Variants in GARNL3 observed in about 807,000 individuals in gnomAD.
GARNL3 encodes GTPase-activating Rap/Ran-GAP domain-like protein 3.
GARNL3 carries 63 observed loss-of-function variants against 125.0 expected under a neutral mutation model. The observed-to-expected ratio is 0.50, with a 90% confidence interval of 0.41 to 0.62. The LOEUF (loss-of-function observed/expected upper bound fraction) is 0.62. Ranked by LOEUF, GARNL3 falls within the 20% of genes least tolerant of loss-of-function variation. GARNL3 has a pLI of 0.00. For synonymous variants in GARNL3, 439 were observed against 457.5 expected (o/e 0.96, Z 0.52); for missense variants, 994 against 1,244.0 (o/e 0.80, Z 3.02).
intron 23 of GARNL3, 92 bp downstream of exon 23, chr9:127,383,637 C>G (rs1832389502): frequency 9.3e-6 from 7 of 753,626 alleles, no homozygotes; most frequent in Middle Eastern, 2.4e-4. Context: ...CACTGGCTTA[C>G]TGCGAAATTG....
At position 127,355,393 on chromosome 9, in the gene GARNL3, A is replaced by G; in HGVS notation, c.1856A>G (p.Asn619Ser). The change falls in exon 20 of 28, where the codon AAC (asparagine) becomes AGC (serine). Residue 619 changes from asparagine (N) to serine (S), a missense_variant. Around this residue, in one of 5 missense-constraint regions of GARNL3, gnomAD observed 728 missense variants for 865.7 expected, o/e 0.84. Coordinates refer to ENST00000373387, the MANE Select transcript of GARNL3 (RefSeq NM_032293.5). ...NKLLLITRKH[N>S]KPSGVTSTSL... ...CTGCTTCTGATCACAAGAAAACACA[A>G]CAAGCCAAGCGGGGTCACCAGCACC... The G allele has an allele frequency of 1.9e-6, 3 of 1,614,230 alleles. No individual in the cohort carries two copies. The highest frequency in any genetic ancestry group is 2.5e-6 in the Non-Finnish European group (3 of 1,180,034).
At position 127,271,727 on chromosome 9, in the gene GARNL3, TG is replaced by T. The variant is rs1256906025; in HGVS notation, c.144+6709del. 3.8e-4 allele frequency among the ~76,000 whole-genome samples: 57 copies of T among 150,244 alleles called. 1 individual carries two copies. Among genetic ancestry groups the T allele is most frequent in the Admixed American group, 3.7e-3 (57 of 15,242 alleles). On this transcript the variant is annotated intron_variant, in intron 1 of 27. Transcript: ENST00000373387. The stretch of plus-strand genomic sequence containing the variant: ...GATACAGTATCAGTGATAAATGGTA[TG>T]GGCACAATATAGACCTCTCCCCTCC...
intron 2 of GARNL3, among the ~76,000 whole-genome samples, chr9:127,251,197 C>T (rs1189795710): frequency 6.6e-6 from 1 of 152,170 alleles, no homozygotes; most frequent in Non-Finnish European, 1.5e-5. Context: ...CCTTAGTCAG[C>T]ACTCATTTTT....
chr9:127,358,654 A>G (rs1830815147), intron 21 of GARNL3, among the ~76,000 whole-genome samples: 1 of 152,226 alleles, frequency 6.6e-6, no homozygotes, highest in South Asian at 2.1e-4. Context: ...TCTTGTCTTC[A>G]GCTATTATTG....
chr9:127,273,939 C>G (rs971331961), intron 1 of GARNL3, among the ~76,000 whole-genome samples: 2 of 152,154 alleles, frequency 1.3e-5, no homozygotes, highest in African/African-American at 4.8e-5. Context: ...AACATGCATC[C>G]TCATCTTATT....
chr9:127,345,921 T>G (rs1830112305), intron 16 of GARNL3, among the ~76,000 whole-genome samples: 2 of 152,254 alleles, frequency 1.3e-5, no homozygotes, highest in African/African-American at 4.8e-5. Flanking sequence ...TGCTCAAGCT[T>G]CAGTGTGTAT....
intron 26 of GARNL3, 45 bp from the exon 27 acceptor site, chr9:127,390,596 G>A: frequency 1.3e-6 from 2 of 1,592,964 alleles, no homozygotes; most frequent in African/African-American, 1.4e-5. Context: ...TGTCTCCGTG[G>A]CAGCCCTGTG....
At chr9:127,349,418 A>T (rs4431687) in intron 17 of GARNL3, among the ~76,000 whole-genome samples, 55,540 of 152,076 alleles carry the variant, frequency 0.37, 11,927 homozygotes, top group African/African-American at 0.58. Context: ...GTCTTAAAAA[A>T]AAAAAAAAGA....
chr9:127,376,151 G>A (rs1349183696), intron 22 of GARNL3, among the ~76,000 whole-genome samples: 1 of 152,122 alleles, frequency 6.6e-6, no homozygotes, highest in Non-Finnish European at 1.5e-5. Context: ...GTAAAGACAG[G>A]GTTTCACCAT....
rs559073995 is a variant in GARNL3, at chr9:127,354,006, A to G, written c.1642+62A>G. ...GGAAAACAGTTGCCTTCTGCGGCCC[A>G]CACCACAGGTCGCCAGGGTCTGACT... On this transcript the variant is annotated intron_variant, in intron 18 of 27. Transcript: ENST00000373387. 3.7e-6 allele frequency: 4 copies of G among 1,090,526 alleles called. No individual in the cohort carries two copies. The East Asian group carries it at 9.4e-5, about 26-fold the overall frequency. 67.6% of individuals were successfully genotyped at this position (1,090,526 alleles called of 1,614,324 possible). A position where few individuals can be genotyped will look rare whatever the true frequency, so the allele number is the denominator to read the frequency against.
chr9:127,294,593 C>T (rs577060406), intron 2 of GARNL3, among the ~76,000 whole-genome samples: 4 of 152,314 alleles, frequency 2.6e-5, no homozygotes, highest in East Asian at 1.9e-4. Flanking sequence ...TGAGCCGCTG[C>T]GCCCGGCCTC....
chr9:127,312,827 A>G (rs1283207691), intron 3 of GARNL3, among the ~76,000 whole-genome samples: 17 of 152,232 alleles, frequency 1.1e-4, no homozygotes. Flanking sequence ...CATCTTCCCA[A>G]ACGCTTGCAA....
chr9:127,244,582 T>C (rs1016307051), intron 2 of GARNL3, among the ~76,000 whole-genome samples: 3 of 152,144 alleles, frequency 2.0e-5, no homozygotes, highest in African/African-American at 7.2e-5. Flanking sequence ...GTGGTAGACG[T>C]TGAGAAACGC....
intron 1 of GARNL3, among the ~76,000 whole-genome samples, chr9:127,286,603 T>A (rs1588759499): frequency 6.6e-6 from 1 of 152,242 alleles, no homozygotes; most frequent in East Asian, 1.9e-4. Context: ...TTCACCATGG[T>A]CACTACATTT....
Position 127,384,012 on chromosome 9 carries a change from G to A in GARNL3, c.2269+467G>A, listed in dbSNP as rs1832412784. Among the ~76,000 whole-genome samples, 1 of 152,200 alleles carries A rather than the reference G, an allele frequency of 6.6e-6. No individual in the cohort carries two copies. Among genetic ancestry groups the A allele is most frequent in the Admixed American group, 6.5e-5 (1 of 15,280 alleles). ...CAGGACATGAGCGGCGATGCTTTGT[G>A]TTTGTGATTCAAGATCCACAACTGG... On this transcript the variant is annotated intron_variant, in intron 23 of 27. Coordinates refer to ENST00000373387, the MANE Select transcript of GARNL3 (RefSeq NM_032293.5). This position sits in a 1 kb window ranked among gnomAD's most constrained non-coding sequence, Gnocchi z 4.0.
chr9:127,343,246 T>C (rs962944528), intron 14 of GARNL3, among the ~76,000 whole-genome samples: 2 of 152,064 alleles, frequency 1.3e-5, no homozygotes, highest in Non-Finnish European at 2.9e-5. Context: ...CTGGTCGGTG[T>C]ACCCCAACCA....
At chr9:127,376,838 A>G (rs762263142) in intron 22 of GARNL3, among the ~76,000 whole-genome samples, 10 of 152,250 alleles carry the variant, frequency 6.6e-5, no homozygotes, top group Non-Finnish European at 1.0e-4. Context: ...TAGCCTCCAC[A>G]AAAGGGTTCC....
At chr9:127,305,990 C>T (rs979012712) in intron 2 of GARNL3, among the ~76,000 whole-genome samples, 3 of 152,248 alleles carry the variant, frequency 2.0e-5, no homozygotes, top group African/African-American at 4.8e-5. Context: ...TCTCCCTCTG[C>T]GATGCTGAGC....
At chr9:127,274,714 G>C (rs2063909260) in intron 1 of GARNL3, among the ~76,000 whole-genome samples, 1 of 152,152 alleles carries the variant, frequency 6.6e-6, no homozygotes, top group South Asian at 2.1e-4. Flanking sequence ...ATGGTCCCCT[G>C]ATGTATATAA....
Sources: allele counts gnomAD v4.1 joint callset (sites outside exome capture counted in the v4.1 genomes callset), GRCh38; gene constraint gnomAD v4.1.1; regional missense constraint gnomAD v4.1.1; non-coding constraint Gnocchi (gnomAD v3.1); transcripts MANE v1.5; gene names NCBI Gene and HGNC (gene_info 2026-07-23, HGNC 2026-07-21).